CHST11: variants seen among roughly 807,000 people sequenced by gnomAD.
The protein encoded by CHST11 is C4S-1.
A neutral mutation model predicts 30.4 loss-of-function variants in CHST11; 9 were observed. That is an observed-to-expected ratio of 0.30 (90% CI 0.18 to 0.52). The LOEUF (loss-of-function observed/expected upper bound fraction) is 0.52. Ranked by LOEUF, CHST11 falls within the 20% of genes least tolerant of loss-of-function variation. The probability of loss-of-function intolerance (pLI) is 0.97; values close to 1 mark genes in which losing one functional copy is unlikely to be tolerated. For synonymous variants in CHST11, 152 were observed against 187.8 expected, an observed-to-expected ratio of 0.81 and a Z score of 1.56; for missense variants, 348 against 460.6, an observed-to-expected ratio of 0.76 and a Z score of 2.24.
intron 2 of CHST11, among the ~76,000 whole-genome samples, chr12:104,746,214 T>A (rs762462148): frequency 1.3e-5 from 2 of 152,190 alleles, no homozygotes; most frequent in Non-Finnish European, 2.9e-5. Context: ...TCATTCCCAT[T>A]CAAGGTGCCG....
chr12:104,582,525 CTA>C (rs1174693721), intron 1 of CHST11, among the ~76,000 whole-genome samples: 1 of 152,118 alleles, frequency 6.6e-6, no homozygotes, highest in African/African-American at 2.4e-5. Flanking sequence ...ATTATCTTTA[CTA>C]AGGGATGCAA....
chr12:104,619,524 G>A (rs1050008515), intron 2 of CHST11, among the ~76,000 whole-genome samples: 1 of 152,130 alleles, frequency 6.6e-6, no homozygotes, highest in East Asian at 1.9e-4. Context: ...CCACTGGGTC[G>A]TGTTTCGAGC....
intron 1 of CHST11, among the ~76,000 whole-genome samples, chr12:104,572,446 G>C (rs1160699336): frequency 2.6e-5 from 4 of 152,100 alleles, no homozygotes; most frequent in Non-Finnish European, 1.5e-5. Context: ...GTCTTGGGAA[G>C]GTGTATGTGT....
chr12:104,492,061 A>G (rs1482461825), intron 1 of CHST11, among the ~76,000 whole-genome samples: 1 of 152,130 alleles, frequency 6.6e-6, no homozygotes, highest in Non-Finnish European at 1.5e-5. Flanking sequence ...CTTCTGACCA[A>G]CCAGTCCAAA....
At chr12:104,702,864 G>A (rs370381079) in intron 2 of CHST11, among the ~76,000 whole-genome samples, 9 of 152,198 alleles carry the variant, frequency 5.9e-5, no homozygotes, top group Admixed American at 3.3e-4. Flanking sequence ...CAGATTGGAC[G>A]CCGTTCAGAT....
intron 1 of CHST11, among the ~76,000 whole-genome samples, chr12:104,468,037 C>T (rs2037474557): frequency 6.6e-6 from 1 of 151,946 alleles, no homozygotes; most frequent in African/African-American, 2.4e-5. Flanking sequence ...AATCCATGTC[C>T]TCATGGAACA....
intron 2 of CHST11, among the ~76,000 whole-genome samples, chr12:104,636,172 C>T (rs967390230): frequency 6.6e-6 from 1 of 152,140 alleles, no homozygotes; most frequent in Non-Finnish European, 1.5e-5. Context: ...CAGATCAGAT[C>T]CAAGCATTGG....
At chr12:104,492,442 G>A (rs957781748) in intron 1 of CHST11, among the ~76,000 whole-genome samples, 1 of 152,012 alleles carries the variant, frequency 6.6e-6, no homozygotes, top group African/African-American at 2.4e-5. Context: ...CCATTTCCCC[G>A]AACCAGAATA....
chr12:104,484,707 G>C (rs1380975195), intron 1 of CHST11, among the ~76,000 whole-genome samples: 1 of 152,192 alleles, frequency 6.6e-6, no homozygotes, highest in African/African-American at 2.4e-5. Context: ...CAATTAAACA[G>C]GTACCTATTT....
intron 1 of CHST11, among the ~76,000 whole-genome samples, chr12:104,513,686 G>A (rs1210967764): frequency 6.6e-6 from 1 of 152,176 alleles, no homozygotes; most frequent in Non-Finnish European, 1.5e-5. Flanking sequence ...TCCTCTTGTT[G>A]ATTTGGTATT....
intron 1 of CHST11, among the ~76,000 whole-genome samples, chr12:104,569,727 G>T (rs143048306): frequency 3.4e-4 from 52 of 152,288 alleles, no homozygotes; most frequent in Admixed American, 1.5e-3. Context: ...CCAGTTTATG[G>T]AGCCACAGGG....
intron 1 of CHST11, among the ~76,000 whole-genome samples, chr12:104,572,916 G>C (rs1398071126): frequency 6.6e-6 from 1 of 151,198 alleles, no homozygotes; most frequent in Non-Finnish European, 1.5e-5. Context: ...AAAAGAGGAA[G>C]TCAAATTGTC....
chr12:104,593,701 C>T (rs984941614), intron 1 of CHST11, among the ~76,000 whole-genome samples: 5 of 152,126 alleles, frequency 3.3e-5, no homozygotes, highest in Non-Finnish European at 4.4e-5. Flanking sequence ...CTAGCTATGT[C>T]GCTGGGTCAG....
At chr12:104,674,949 G>A (rs536780375) in intron 2 of CHST11, among the ~76,000 whole-genome samples, 1 of 152,194 alleles carries the variant, frequency 6.6e-6, no homozygotes, top group African/African-American at 2.4e-5. Context: ...GTAAAGTGTC[G>A]GGCATAATAA....
rs539007672 is a variant in CHST11, at chr12:104,750,552, C to T, written c.205-6397C>T. 6.1e-5 allele frequency among the ~76,000 whole-genome samples: 9 copies of T among 147,476 alleles called. No individual in the cohort carries two copies. In the South Asian group the frequency reaches 1.9e-3, roughly 32 times the overall value. On this transcript the variant is annotated intron_variant, in intron 2 of 2. Transcript: ENST00000303694. ...TGCCTCCCGGGTTCAAGTGATTTTCCCCTGCCTCAGCCTCCCCAGTAGCTG... is the reference window on the plus strand; with the variant it reads ...TGCCTCCCGGGTTCAAGTGATTTTCTCCTGCCTCAGCCTCCCCAGTAGCTG...
chr12:104,720,464 A>G (rs1194728700), intron 2 of CHST11, among the ~76,000 whole-genome samples: 1 of 152,144 alleles, frequency 6.6e-6, no homozygotes, highest in Non-Finnish European at 1.5e-5. Context: ...GTATTTCCTC[A>G]TCCAGGAAGA....
intron 1 of CHST11, among the ~76,000 whole-genome samples, chr12:104,504,311 G>C (rs1429087693): frequency 6.6e-6 from 1 of 152,246 alleles, no homozygotes; most frequent in Admixed American, 6.5e-5. Flanking sequence ...CTGTGTTAAT[G>C]TAATTAGCTC....
intron 2 of CHST11, among the ~76,000 whole-genome samples, chr12:104,687,901 C>T (rs1335922499): frequency 1.3e-5 from 2 of 152,158 alleles, no homozygotes; most frequent in African/African-American, 4.8e-5. Flanking sequence ...ACCGTACCAG[C>T]ATTTCACAGT....
chr12:104,667,265 G>A (rs947583471), intron 2 of CHST11, among the ~76,000 whole-genome samples: 1 of 152,016 alleles, frequency 6.6e-6, no homozygotes, highest in Non-Finnish European at 1.5e-5. Flanking sequence ...TTGGCACCAC[G>A]GAGACCTACA....
Sources: allele counts gnomAD v4.1 joint callset (sites outside exome capture counted in the v4.1 genomes callset), GRCh38; gene constraint gnomAD v4.1.1; transcripts MANE v1.5; gene names NCBI Gene and HGNC (gene_info 2026-07-23, HGNC 2026-07-21).